The following HSD17B2 variants were observed in gnomAD, a reference collection of about 807,000 sequenced individuals.
HSD17B2 encodes the protein 17-beta-hydroxysteroid dehydrogenase type 2.
HSD17B2 carries 32 observed loss-of-function variants against 26.9 expected under a neutral mutation model. The observed-to-expected ratio is 1.19, with a 90% CI of 0.90 to 1.60. HSD17B2 has a LOEUF of 1.60. Among genes scored for constraint, HSD17B2 ranks in the 40% most tolerant of loss-of-function variants. The pLI is 0.00. For missense variants in HSD17B2, 613 were observed against 468.6 expected, an observed-to-expected ratio of 1.31 and a Z score of -2.85; for synonymous variants, 246 against 186.7, an observed-to-expected ratio of 1.32 and a Z score of -2.59.
chr16:82,083,098 T>A (rs1714236166), intron 3 of HSD17B2, among the ~76,000 whole-genome samples: 1 of 152,290 alleles, frequency 6.6e-6, no homozygotes, highest in African/African-American at 2.4e-5. Context: ...TAGATGCTTG[T>A]TCCAGCCCAA....
intron 2 of HSD17B2, 79 bp from the exon 3 acceptor site, chr16:82,070,863 C>T (rs1914680878): frequency 7.4e-7 from 1 of 1,355,598 alleles, no homozygotes; most frequent in Non-Finnish European, 1.0e-6. Flanking sequence ...ACACCTCTTG[C>T]ATGGTCTTCC....
chr16:82,049,041 C>T (rs937168751), intron 1 of HSD17B2, among the ~76,000 whole-genome samples: 3 of 152,160 alleles, frequency 2.0e-5, no homozygotes, highest in African/African-American at 7.2e-5. Context: ...CCATGTTGAG[C>T]TTATATGTTT....
intron 3 of HSD17B2, among the ~76,000 whole-genome samples, chr16:82,074,849 G>T (rs8191201): frequency 9.2e-5 from 14 of 152,120 alleles, no homozygotes; most frequent in Admixed American, 3.3e-4. Context: ...AGACCAAATG[G>T]ACCTAATTGT....
intron 3 of HSD17B2, among the ~76,000 whole-genome samples, chr16:82,073,730 T>G (rs1914750326): frequency 6.6e-6 from 1 of 152,180 alleles, no homozygotes; most frequent in Non-Finnish European, 1.5e-5. Context: ...AAAAATCTCA[T>G]GTTCATGGAT....
intron 3 of HSD17B2, among the ~76,000 whole-genome samples, chr16:82,089,293 T>G (rs1292030082): frequency 6.6e-6 from 1 of 152,232 alleles, no homozygotes; most frequent in Non-Finnish European, 1.5e-5. Flanking sequence ...GTTACATGTA[T>G]CAAGTTCATT....
intron 4 of HSD17B2, chr16:82,096,070 T>C (rs554395664): frequency 5.8e-4 from 89 of 152,260 alleles, no homozygotes; most frequent in African/African-American, 2.0e-3. Context: ...GCAGGTATTG[T>C]CTTTATTTTA....
intron 2 of HSD17B2, among the ~76,000 whole-genome samples, chr16:82,069,810 G>C (rs189192855): frequency 1.2e-4 from 18 of 152,314 alleles, no homozygotes; most frequent in Admixed American, 1.2e-3. Flanking sequence ...GATTTCGGAA[G>C]ATTATTAGGA....
intron 1 of HSD17B2, among the ~76,000 whole-genome samples, chr16:82,059,482 T>C (rs8191100): frequency 0.021 from 3,191 of 152,330 alleles, 104 homozygotes; most frequent in African/African-American, 0.071. Flanking sequence ...TACCGACCCC[T>C]ATCCAGGCCA....
At chr16:82,082,022 A>G (rs1483102753) in intron 3 of HSD17B2, among the ~76,000 whole-genome samples, 1 of 152,192 alleles carries the variant, frequency 6.6e-6, no homozygotes, top group Non-Finnish European at 1.5e-5. Flanking sequence ...ACATGTCCTC[A>G]CTTGTAAGTG....
chr16:82,071,277 C>T (rs1341892080), intron 3 of HSD17B2, 150 bp downstream of exon 3: 2 of 737,474 alleles, frequency 2.7e-6, no homozygotes, highest in Non-Finnish European at 4.9e-6. Flanking sequence ...GGTCTTATCA[C>T]AATAAAACCT....
At position 82,090,918 on chromosome 16, in the gene HSD17B2, A is replaced by C. The variant is rs1196154008; in HGVS notation, c.681A>C (p.Glu227Asp). The C allele has an allele frequency of 1.2e-6, 2 of 1,611,974 alleles. No homozygotes were observed. The highest frequency in any genetic ancestry group is 3.4e-5 in the Admixed American group (2 of 59,684). ...VSSMGGGAPM[E>D]RLASYGSSKA... ...TTCCCATAGGAGGGGCCCCAATGGA[A>C]AGGCTGGCATCTTATGGCTCATCAA... The change falls in exon 4 of 5, where the codon GAA becomes GAC. Residue 227 changes from glutamate to aspartate, a missense_variant. Physicochemically the swap from Glu to Asp is conservative, Grantham distance 45 (BLOSUM62 2). Coordinates refer to ENST00000199936, the MANE Select transcript of HSD17B2 (RefSeq NM_002153.3).
chr16:82,098,193 C>G lies in HSD17B2; in HGVS notation c.921C>G (p.Leu307=), dbSNP rs774419056. Residue 307 remains leucine (L), a synonymous_variant, in exon 5 of 5, where the codon CTC becomes CTG. Transcript: ENST00000199936. ...QDYILAQRNF[L]LLINSLASKD... ...ACATCTTAGCACAGCGGAATTTCCTCCTATTGATCAACTCGTTAGCCAGCA... is the reference window on the plus strand; with the variant it reads ...ACATCTTAGCACAGCGGAATTTCCTGCTATTGATCAACTCGTTAGCCAGCA... 6.2e-7 allele frequency: 1 copy of G among 1,614,160 alleles called. No individual in the cohort carries two copies. Among genetic ancestry groups the G allele is most frequent in the East Asian group, 2.2e-5 (1 of 44,878 alleles).
intron 4 of HSD17B2, chr16:82,091,430 C>T (rs1255421167): frequency 2.0e-5 from 5 of 256,240 alleles, no homozygotes; most frequent in Non-Finnish European, 3.8e-5. Context: ...GAGGTCTGAT[C>T]CTTGATGATT....
intron 3 of HSD17B2, among the ~76,000 whole-genome samples, chr16:82,084,009 G>A (rs2955157): frequency 0.02 from 3,066 of 152,202 alleles, 113 homozygotes; most frequent in African/African-American, 0.07. Flanking sequence ...AGAAATGTTC[G>A]CATAAACACT....
rs760800946 is a variant in HSD17B2 at position 82,035,562 on chromosome 16, A to C, written c.138A>C (p.Ala46=). ...TGGTCTGCCTGGCAGGCCTCTGTGC[A>C]GTCTGCCTGCTCATCCTGTCCCCTT... The part of the protein sequence containing the change: ...SWMVCLAGLC[A]VCLLILSPFW... Residue 46 remains alanine (A), a synonymous_variant, in exon 1 of 5, where the codon GCA becomes GCC. Coordinates refer to ENST00000199936, the MANE Select transcript of HSD17B2 (RefSeq NM_002153.3). 6 of 1,613,706 alleles carry C rather than the reference A, an allele frequency of 3.7e-6. No individual in the cohort carries two copies. Among genetic ancestry groups the C allele is most frequent in the Admixed American group, 1.7e-5 (1 of 59,950 alleles).
chr16:82,070,533 C>T (rs183689713), intron 2 of HSD17B2, among the ~76,000 whole-genome samples: 48 of 152,360 alleles, frequency 3.2e-4, no homozygotes, highest in South Asian at 2.3e-3. Context: ...TGTTGGGGTC[C>T]GCCCATGTGG....
intron 3 of HSD17B2, among the ~76,000 whole-genome samples, chr16:82,090,486 T>G (rs967364258): frequency 4.6e-5 from 7 of 151,794 alleles, no homozygotes; most frequent in Middle Eastern, 3.2e-3. Flanking sequence ...GCCTGGCTAA[T>G]TTTTGTGTTT....
chr16:82,070,242 G>A (rs1490573965), intron 2 of HSD17B2, among the ~76,000 whole-genome samples: 4 of 152,026 alleles, frequency 2.6e-5, no homozygotes, highest in Non-Finnish European at 2.9e-5. Flanking sequence ...AGCAACCTGC[G>A]GGTCACTGAG....
intron 3 of HSD17B2, among the ~76,000 whole-genome samples, chr16:82,086,261 T>C (rs1904524322): frequency 1.3e-5 from 2 of 152,128 alleles, no homozygotes; most frequent in South Asian, 4.1e-4. Flanking sequence ...CTAAATAAAA[T>C]GTGGCATATC....
Sources: allele counts gnomAD v4.1 joint callset (sites outside exome capture counted in the v4.1 genomes callset), GRCh38; gene constraint gnomAD v4.1.1; transcripts MANE v1.5; gene names NCBI Gene and HGNC (gene_info 2026-07-23, HGNC 2026-07-21).